The following AR variants were observed in gnomAD, a reference collection of about 807,000 sequenced individuals.
AR encodes dihydrotestosterone receptor.
Under a neutral mutation model 53.9 loss-of-function variants are expected in AR, and 8 were observed. The observed-to-expected ratio is 0.15, with a 90% CI of 0.09 to 0.27. AR has a LOEUF of 0.27. AR is among the 10% of genes least tolerant of loss of function. The pLI, the probability that AR is intolerant of heterozygous loss-of-function variation, is 1.00. For missense variants in AR, 639 were observed against 742.5 expected (o/e 0.86, Z 1.62); for synonymous variants, 359 against 316.4 (o/e 1.13, Z -1.43).
chrX:67,577,634 A>C (rs1922116277), intron 1 of AR, among the ~76,000 whole-genome samples: 1 of 111,010 alleles, frequency 9.0e-6, no homozygotes, highest in South Asian at 3.8e-4. Context: ...CCTCAACAAC[A>C]CTCATTATTG....
chrX:67,656,035 C>G (rs1926571501), intron 2 of AR, among the ~76,000 whole-genome samples: 1 of 111,604 alleles, frequency 9.0e-6, no homozygotes, highest in African/African-American at 3.3e-5. Flanking sequence ...TCCCCAAGTA[C>G]CCAAAACTAA....
intron 1 of AR, among the ~76,000 whole-genome samples, chrX:67,609,368 A>G (rs936771983): frequency 4.0e-4 from 45 of 111,514 alleles, no homozygotes; most frequent in Admixed American, 3.2e-3. Context: ...TTCTAGCAGC[A>G]TATGATTGTA....
Position 67,695,453 on chromosome X carries a change from A to T in AR, c.1885+9327A>T, listed in dbSNP as rs1036626527. ...TCTTACATCTAGCCTTACTGTAGCC[A>T]CACTCCTTGATTGCTCTCTCACATC... On this transcript the variant is annotated intron_variant, in intron 3 of 7. Coordinates refer to ENST00000374690, the MANE Select transcript of AR (RefSeq NM_000044.6). 14 of 751,957 alleles carry T rather than the reference A, an allele frequency of 1.9e-5. No individual in the cohort carries two copies. The African/African-American group carries it at 3.0e-4, about 16-fold the overall frequency. The allele number at this position is 751,957 out of a possible 1,213,427, so 62.0% of individuals were successfully genotyped here.
At chrX:67,606,629 A>G (rs746612582) in intron 1 of AR, among the ~76,000 whole-genome samples, 2 of 112,639 alleles carry the variant, frequency 1.8e-5, no homozygotes, top group East Asian at 2.8e-4. Flanking sequence ...ATAATTTGCT[A>G]TTCACCAAGT....
At chrX:67,655,108 C>A (rs1172783402) in intron 2 of AR, among the ~76,000 whole-genome samples, 4 of 108,617 alleles carry the variant, frequency 3.7e-5, no homozygotes, top group Non-Finnish European at 7.6e-5. Context: ...AGCAGCCAAC[C>A]AAAACCAGCA....
chrX:67,692,101 A>G (rs2075998196), intron 3 of AR, among the ~76,000 whole-genome samples: 1 of 112,328 alleles, frequency 8.9e-6, no homozygotes, highest in Non-Finnish European at 1.9e-5. Flanking sequence ...GTGCTACCAC[A>G]TAACCTCATT....
At chrX:67,596,424 T>A (rs1179960057) in intron 1 of AR, among the ~76,000 whole-genome samples, 2 of 111,561 alleles carry the variant, frequency 1.8e-5, no homozygotes, top group Non-Finnish European at 3.8e-5. Context: ...TATTTACTCT[T>A]AAATTAAACT....
In AR at chrX:67,545,343, A is replaced by T. The variant is rs776087192; in HGVS notation, c.197A>T (p.Gln66Leu). 10 of 1,147,007 alleles carry T rather than the reference A, an allele frequency of 8.7e-6. No individual in the cohort carries two copies. Among genetic ancestry groups the T allele is most frequent in the East Asian group, 6.3e-5 (2 of 31,572 alleles). 94.5% of individuals were successfully genotyped at this position (1,147,007 alleles called of 1,213,427 possible). ...CAGCAGCAGCAGCAGCAGCAGCAGC[A>T]GCAGCAGCAGCAGCAGCAGCAGCAG... ...LLQQQQQQQQ[Q>L]QQQQQQQQQQ... The change falls in exon 1 of 8, where the codon CAG becomes CTG. Residue 66 changes from glutamine (Q) to leucine (L), a missense_variant. Gln to Leu is a moderately radical substitution (Grantham distance 113). Transcript: ENST00000374690.
At chrX:67,652,481 A>G (rs1290755350) in intron 2 of AR, among the ~76,000 whole-genome samples, 1 of 112,242 alleles carries the variant, frequency 8.9e-6, no homozygotes, top group Non-Finnish European at 1.9e-5. Flanking sequence ...GAAATCAAAA[A>G]ATCTGGTCAA....
At chrX:67,557,754 G>GT (rs1199190921) in intron 1 of AR, among the ~76,000 whole-genome samples, 1 of 111,583 alleles carries the variant, frequency 9.0e-6, no homozygotes, top group Non-Finnish European at 1.9e-5. Context: ...GCAAGAGTGA[G>GT]TTTTTTGTTA....
chrX:67,687,296 A>G (rs751712034), intron 3 of AR, among the ~76,000 whole-genome samples: 1 of 111,490 alleles, frequency 9.0e-6, no homozygotes, highest in South Asian at 3.8e-4. Flanking sequence ...GGATCTTCAT[A>G]TAGATAACTA....
chrX:67,546,622 C>A lies in AR; in HGVS notation c.1476C>A (p.Gly492=). 1 of 1,192,120 alleles carries A rather than the reference C, an allele frequency of 8.4e-7. No individual in the cohort carries two copies. The part of the protein sequence containing the change: ...GYTRPPQGLA[G]QESDFTAPDV... ...CTCGGCCCCCTCAGGGGCTGGCGGGCCAGGAAAGCGACTTCACCGCACCTG... is the reference window on the plus strand; with the variant it reads ...CTCGGCCCCCTCAGGGGCTGGCGGGACAGGAAAGCGACTTCACCGCACCTG... The change falls in exon 1 of 8, where the codon GGC becomes GGA. Residue 492 remains glycine, a synonymous_variant. Coordinates refer to ENST00000374690, the MANE Select transcript of AR (RefSeq NM_000044.6).
chrX:67,566,773 G>C (rs143132806), intron 1 of AR, among the ~76,000 whole-genome samples: 14 of 111,256 alleles, frequency 1.3e-4, no homozygotes, highest in African/African-American at 4.6e-4. Context: ...GCCACTTAAG[G>C]CTCCTTCCAG....
intron 1 of AR, among the ~76,000 whole-genome samples, chrX:67,624,646 A>G (rs1383197836): frequency 1.8e-5 from 2 of 110,588 alleles, no homozygotes; most frequent in East Asian, 2.8e-4. Flanking sequence ...AACAGAATTC[A>G]GCAACAAATA....
chrX:67,574,961 C>A (rs1921984092), intron 1 of AR, among the ~76,000 whole-genome samples: 1 of 111,406 alleles, frequency 9.0e-6, no homozygotes, highest in Non-Finnish European at 1.9e-5. Context: ...ATAATAGAGC[C>A]AATTTTCTTT....
At chrX:67,634,809 A>G (rs928034188) in intron 1 of AR, among the ~76,000 whole-genome samples, 2 of 111,807 alleles carry the variant, frequency 1.8e-5, no homozygotes, top group African/African-American at 6.5e-5. Context: ...CTCTGATTTT[A>G]TCTTAAAAAG....
intron 1 of AR, among the ~76,000 whole-genome samples, chrX:67,577,767 A>G (rs1232431143): frequency 2.7e-5 from 3 of 110,886 alleles, no homozygotes; most frequent in African/African-American, 6.6e-5. Flanking sequence ...TCATGTGCTT[A>G]TTGGCCGTTT....
At chrX:67,613,316 G>A (rs2147388688) in intron 1 of AR, among the ~76,000 whole-genome samples, 1 of 111,735 alleles carries the variant, frequency 8.9e-6, no homozygotes, top group South Asian at 3.8e-4. Context: ...GGGAAAGGCA[G>A]GTTGTTAGGA....
intron 1 of AR, among the ~76,000 whole-genome samples, chrX:67,591,828 G>T (rs1922845810): frequency 8.9e-6 from 1 of 111,741 alleles, no homozygotes; most frequent in African/African-American, 3.3e-5. Context: ...TGTTCTCACT[G>T]CTGACATCAT....
Sources: allele counts gnomAD v4.1 joint callset (sites outside exome capture counted in the v4.1 genomes callset), GRCh38; gene constraint gnomAD v4.1.1; transcripts MANE v1.5; gene names NCBI Gene and HGNC (gene_info 2026-07-23, HGNC 2026-07-21).